ERICH1: variants seen among roughly 807,000 people sequenced by gnomAD.
ERICH1 encodes the protein glutamate rich 1, also known as glutamate-rich protein 1.
In ERICH1, 56 loss-of-function variants were observed where a neutral mutation model predicts 39.6. The ratio of observed to expected loss-of-function variants is 1.41; its 90% CI spans 1.14 to 1.77. The LOEUF (loss-of-function observed/expected upper bound fraction) is 1.77. Among genes scored for constraint, ERICH1 ranks in the 40% most tolerant of loss-of-function variants. The pLI is 0.00. For missense variants in ERICH1, 826 were observed against 575.4 expected (o/e 1.44, Z -4.45); for synonymous variants, 313 against 223.6 (o/e 1.40, Z -3.57).
At chr8:628,409 C>T (rs985212105) in intron 3 of ERICH1, among the ~76,000 whole-genome samples, 2 of 152,226 alleles carry the variant, frequency 1.3e-5, no homozygotes, top group Non-Finnish European at 2.9e-5. Flanking sequence ...TAAACAGGAC[C>T]GCTGTGATGG....
intron 1 of ERICH1, among the ~76,000 whole-genome samples, chr8:720,442 C>A (rs79317256): frequency 6.6e-6 from 1 of 152,284 alleles, no homozygotes; most frequent in East Asian, 1.9e-4. Context: ...GAAGAGCATG[C>A]AACTACTTAA....
At chr8:727,157 G>A (rs1230992535) in intron 1 of ERICH1, among the ~76,000 whole-genome samples, 4 of 151,990 alleles carry the variant, frequency 2.6e-5, no homozygotes, top group Non-Finnish European at 5.9e-5. Context: ...ACACAGACAT[G>A]CATGCACACA....
intron 2 of ERICH1, among the ~76,000 whole-genome samples, chr8:705,993 C>A (rs755951169): frequency 2.6e-5 from 4 of 152,126 alleles, no homozygotes; most frequent in Non-Finnish European, 5.9e-5. Flanking sequence ...GTATTTTCAC[C>A]GCACCTTCTT....
At chr8:718,321 C>T (rs796517744) in intron 1 of ERICH1, among the ~76,000 whole-genome samples, 21 of 152,172 alleles carry the variant, frequency 1.4e-4, no homozygotes, top group African/African-American at 4.3e-4. Flanking sequence ...TCTTTCAAGG[C>T]TTCCTGAGGC....
intron 3 of ERICH1, among the ~76,000 whole-genome samples, chr8:635,806 T>C (rs903983869): frequency 2.0e-5 from 3 of 152,224 alleles, no homozygotes; most frequent in Non-Finnish European, 2.9e-5. Flanking sequence ...ACATGCGTGC[T>C]GCACCCCACA....
At chr8:636,281 G>A (rs1048458421) in intron 3 of ERICH1, among the ~76,000 whole-genome samples, 6 of 152,240 alleles carry the variant, frequency 3.9e-5, no homozygotes, top group Non-Finnish European at 8.8e-5. Flanking sequence ...GTGGCCACGT[G>A]GGGTTGCACG....
At chr8:626,476 G>C (rs1283252199) in intron 3 of ERICH1, 2 of 152,850 alleles carry the variant, frequency 1.3e-5, no homozygotes, top group Admixed American at 1.3e-4. Flanking sequence ...TCAGCTCTGA[G>C]ACACTAATAA....
intron 1 of ERICH1, among the ~76,000 whole-genome samples, chr8:730,909 G>A (rs974250011): frequency 6.6e-6 from 1 of 152,196 alleles, no homozygotes; most frequent in Non-Finnish European, 1.5e-5. Flanking sequence ...GTGGGGCCTG[G>A]CAGGGCCGGC....
chr8:673,340 G>C lies in ERICH1; in HGVS notation c.1012C>G (p.His338Asp), dbSNP rs978800044. The change falls in exon 4 of 6, where the codon CAC becomes GAC. Residue 338 changes from histidine (H) to aspartate (D), a missense_variant. Physicochemically the swap from His to Asp is moderately conservative, Grantham distance 81. Transcript: ENST00000262109. ...GACTTCAAAAAATTTAGAATACTGT[G>C]TGCCTTTTCATTGGTAATTGTATCA... ...EDDTITNEKA[H>D]SILNFLKSTQ... 11 of 1,613,814 alleles carry C rather than the reference G, an allele frequency of 6.8e-6. No individual in the cohort carries two copies. In the African/African-American group the frequency reaches 9.3e-5, roughly 14 times the overall value.
intron 3 of ERICH1, among the ~76,000 whole-genome samples, chr8:620,265 T>G (rs559172651): frequency 6.6e-6 from 1 of 152,216 alleles, no homozygotes; most frequent in African/African-American, 2.4e-5. Flanking sequence ...TGAGCCGAGA[T>G]TGTGCCACTG....
rs748541323 is a variant in ERICH1 at position 716,032 on chromosome 8, A to G, written c.23-25T>C. 3 of 1,570,900 alleles carry G rather than the reference A, an allele frequency of 1.9e-6. No individual in the cohort carries two copies. In the East Asian group the frequency reaches 6.8e-5, roughly 36 times the overall value. The stretch of plus-strand genomic sequence containing the variant: ...ACTGTACAGACAACCGATTAAAAGA[A>G]AAGGAGGAAAAGGAATGAATTATGC... On this transcript the variant is annotated intron_variant, in intron 1 of 5. Transcript: ENST00000262109.
chr8:699,613 A>G (rs75880726), intron 2 of ERICH1, among the ~76,000 whole-genome samples: 1,573 of 152,272 alleles, frequency 0.01, 27 homozygotes, highest in African/African-American at 0.035. Context: ...TATTTAAACA[A>G]GCTCCAGCAT....
intron 4 of ERICH1, among the ~76,000 whole-genome samples, chr8:670,932 C>G (rs541471548): frequency 6.7e-6 from 1 of 149,452 alleles, no homozygotes; most frequent in Non-Finnish European, 1.5e-5. Context: ...CTGAGCCCAC[C>G]GGTCCCCCAG....
intron 3 of ERICH1, among the ~76,000 whole-genome samples, chr8:620,102 A>G (rs1797185926): frequency 1.3e-5 from 2 of 151,854 alleles, no homozygotes; most frequent in African/African-American, 4.8e-5. Flanking sequence ...TCACGAGGTC[A>G]GGAGTTCGAA....
intron 3 of ERICH1, among the ~76,000 whole-genome samples, chr8:683,433 C>T (rs1053662373): frequency 1.3e-5 from 2 of 152,210 alleles, no homozygotes; most frequent in African/African-American, 4.8e-5. Context: ...CCGTGAGGGT[C>T]AGCAGGTGCC....
At chr8:618,529 C>T (rs35116770) in intron 3 of ERICH1, among the ~76,000 whole-genome samples, 36,423 of 152,088 alleles carry the variant, frequency 0.24, 4,809 homozygotes, top group East Asian at 0.49. Context: ...TGGGTACATG[C>T]TAACTGAGTG....
In ERICH1 at chr8:670,539, T is replaced by A. The variant is rs149339699; in HGVS notation, c.1064-1747A>T. ...AGCTGACTCCAGGGTGGCCACACAT[T>A]TGGGACAGTGTCATCTGCTTCTGGG... On this transcript the variant is annotated intron_variant, in intron 4 of 5. Transcript: ENST00000262109. 5.9e-5 allele frequency among the ~76,000 whole-genome samples: 9 copies of A among 152,268 alleles called. 1 individual carries two copies. In the East Asian group the frequency reaches 1.7e-3, roughly 29 times the overall value.
At position 692,549 on chromosome 8, in the gene ERICH1, T is replaced by A. The variant is rs145084158; in HGVS notation, c.233A>T (p.Tyr78Phe). The change falls in exon 3 of 6, where the codon TAC becomes TTC. Residue 78 changes from tyrosine (Y) to phenylalanine (F), a missense_variant. By Grantham distance (22) the Tyr-to-Phe change is conservative. Transcript: ENST00000262109. ...LYTASGPPEG[Y>F]VPCWPEPSSC... ...GCTGGGCTCCGGCCAACAGGGGACG[T>A]AGCCCTCAGGAGGCCCGCTGGCAGT... 1.2e-6 allele frequency: 2 copies of A among 1,613,766 alleles called. No homozygotes were observed. Among genetic ancestry groups the A allele is most frequent in the African/African-American group, 2.7e-5 (2 of 74,918 alleles).
In ERICH1 at chr8:664,519, A is replaced by G; in HGVS notation, c.*84T>C. 2 of 1,450,872 alleles carry G rather than the reference A, an allele frequency of 1.4e-6. No homozygotes were observed. The highest frequency in any genetic ancestry group is 9.1e-7 in the Non-Finnish European group (1 of 1,097,276). 89.9% of individuals were successfully genotyped at this position (1,450,872 alleles called of 1,614,324 possible). A position where few individuals can be genotyped will look rare whatever the true frequency, so the allele number is the denominator to read the frequency against. The stretch of plus-strand genomic sequence containing the variant: ...TGGCATAAATGTCTTTCAAGTTCCC[A>G]GAGAACTAACTCTAAGCCCATCTCA... On this transcript the variant is annotated 3_prime_UTR_variant, in exon 6 of 6. Transcript: ENST00000262109.
Sources: gnomAD v4.1 joint callset for allele counts (sites outside exome capture counted in the v4.1 genomes callset) on GRCh38, gnomAD v4.1.1 for gene constraint, MANE v1.5 for transcripts, NCBI Gene and HGNC (gene_info 2026-07-23, HGNC 2026-07-21) for gene names.